Variants in LRRIQ1 observed in about 807,000 individuals in gnomAD.
LRRIQ1 encodes the protein leucine-rich repeat- and IQ domain-containing protein 1.
A neutral mutation model predicts 211.9 loss-of-function variants in LRRIQ1; 210 were observed. The ratio of observed to expected loss-of-function variants is 0.99; its 90% confidence interval spans 0.89 to 1.11. The LOEUF (loss-of-function observed/expected upper bound fraction) is 1.11, where lower values mean the gene tolerates loss of function less well. LRRIQ1 is among the 50% of genes most tolerant of loss of function. LRRIQ1 has a pLI of 0.00. For missense variants in LRRIQ1, 2,136 were observed against 1,939.5 expected, an observed-to-expected ratio of 1.10 and a Z score of -1.90; for synonymous variants, 699 against 650.1, an observed-to-expected ratio of 1.08 and a Z score of -1.14.
intron 13 of LRRIQ1, among the ~76,000 whole-genome samples, chr12:85,100,557 T>C (rs1050450379): frequency 2.0e-5 from 3 of 151,762 alleles, no homozygotes; most frequent in African/African-American, 7.2e-5. Context: ...ACAGAGCATT[T>C]TGGCATAAAA....
chr12:85,053,063 G>C (rs1880521646), intron 7 of LRRIQ1, among the ~76,000 whole-genome samples: 1 of 151,954 alleles, frequency 6.6e-6, no homozygotes, highest in African/African-American at 2.4e-5. Flanking sequence ...TTTAGTGGGT[G>C]AATTTGATTG....
At chr12:85,143,664 G>T (rs1291287965) in intron 19 of LRRIQ1, among the ~76,000 whole-genome samples, 1 of 151,138 alleles carries the variant, frequency 6.6e-6, no homozygotes, top group Non-Finnish European at 1.5e-5. Flanking sequence ...TTCTTATTTT[G>T]TTATTCTATT....
At chr12:85,190,315 T>C (rs1892441669) in intron 24 of LRRIQ1, among the ~76,000 whole-genome samples, 1 of 143,528 alleles carries the variant, frequency 7.0e-6, no homozygotes, top group African/African-American at 2.5e-5. Context: ...TAACTGTAAC[T>C]ATACAGTTAA....
At chr12:85,170,120 A>G (rs1249891981) in intron 24 of LRRIQ1, among the ~76,000 whole-genome samples, 2 of 152,010 alleles carry the variant, frequency 1.3e-5, no homozygotes, top group Non-Finnish European at 2.9e-5. Flanking sequence ...GGGAATGGCA[A>G]TCTAAGGTCT....
intron 24 of LRRIQ1, among the ~76,000 whole-genome samples, chr12:85,188,713 A>G (rs953906723): frequency 1.3e-5 from 2 of 152,090 alleles, no homozygotes; most frequent in African/African-American, 2.4e-5. Flanking sequence ...AACCCCTTGC[A>G]AGTTTACAAT....
In LRRIQ1 at chr12:85,046,113, C is replaced by A. The variant is rs1482237756; in HGVS notation, c.430C>A (p.Pro144Thr). Residue 144 changes from proline to threonine, a missense_variant, in exon 5 of 27, where the codon CCT (proline) becomes ACT (threonine). Transcript: ENST00000393217. ...FVPEPSPHDL[P>T]MDEHVLPDDA... ...TCCTGAGCCTAGTCCTCATGACTTG[C>A]CTATGGATGAACATGTTTTACCAGG... 1 of 1,603,600 alleles carries A rather than the reference C, an allele frequency of 6.2e-7. No individual in the cohort carries two copies. The highest frequency in any genetic ancestry group is 1.3e-5 in the African/African-American group (1 of 74,658).
intron 24 of LRRIQ1, among the ~76,000 whole-genome samples, chr12:85,198,187 A>T (rs189942006): frequency 0.039 from 5,156 of 132,380 alleles, 337 homozygotes; most frequent in East Asian, 0.22. Flanking sequence ...ATATATATAT[A>T]TTTTTTCTTT....
chr12:85,085,186 G>A (rs564375516), intron 11 of LRRIQ1, among the ~76,000 whole-genome samples: 6 of 152,230 alleles, frequency 3.9e-5, no homozygotes, highest in Non-Finnish European at 7.4e-5. Flanking sequence ...AAATACCCGA[G>A]ACTGGGTAAT....
rs1211708680 is a variant in LRRIQ1 at position 85,065,414 on chromosome 12, G to T, written c.2544G>T (p.Gln848His). 2 of 1,600,664 alleles carry T rather than the reference G, an allele frequency of 1.2e-6. No individual in the cohort carries two copies. Among genetic ancestry groups the T allele is most frequent in the Admixed American group, 1.7e-5 (1 of 58,852 alleles). The change falls in exon 9 of 27, where the codon CAG (glutamine) becomes CAT (histidine). Residue 848 changes from glutamine to histidine, a missense_variant and splice_region_variant. Transcript: ENST00000393217. ...NCKKLKYIDA[Q>H]ENHIEAIECE... ...AAAAACTTAAGTACATTGATGCACA[G>T]GTATGCTCTCTGCCCTACTGTTATT...
intron 19 of LRRIQ1, among the ~76,000 whole-genome samples, chr12:85,146,046 G>T (rs1028099121): frequency 6.6e-6 from 1 of 151,648 alleles, no homozygotes; most frequent in Admixed American, 6.6e-5. Flanking sequence ...TGCAATTAAG[G>T]TTACTATCAA....
chr12:85,043,206 T>A (rs1879108279), intron 3 of LRRIQ1, among the ~76,000 whole-genome samples: 1 of 152,100 alleles, frequency 6.6e-6, no homozygotes. Context: ...TATCTTTTGG[T>A]TCTGTTGGTT....
rs145285347 is a variant in LRRIQ1 at position 85,209,782 on chromosome 12, C to A, written c.4823-19735C>A. ...AATATTATCTAGGGATTTTATATAT[C>A]TGATTGTTTCTTCACAACATCCATG... On this transcript the variant is annotated intron_variant, in intron 24 of 26. Transcript: ENST00000393217. Among the ~76,000 whole-genome samples, 784 of 152,118 alleles carry A rather than the reference C, an allele frequency of 5.2e-3. 6 individuals are homozygous for A. Among genetic ancestry groups the A allele is most frequent in the African/African-American group, 0.018 (738 of 41,512 alleles).
intron 24 of LRRIQ1, among the ~76,000 whole-genome samples, chr12:85,197,176 C>T (rs1227041033): frequency 6.6e-6 from 1 of 152,140 alleles, no homozygotes. Flanking sequence ...AGTCAGGAAA[C>T]AACAGGTGCT....
intron 19 of LRRIQ1, among the ~76,000 whole-genome samples, chr12:85,149,125 C>A (rs983641697): frequency 1.3e-5 from 2 of 151,956 alleles, no homozygotes; most frequent in Admixed American, 6.6e-5. Context: ...ATGATAGTTT[C>A]TTTTGCTGAG....
chr12:85,040,716 C>T, intron 3 of LRRIQ1, 115 bp downstream of exon 3: 1 of 509,296 alleles, frequency 2.0e-6, no homozygotes, highest in Non-Finnish European at 3.5e-6. Flanking sequence ...CATGTGTATA[C>T]ATTTAGTGTA....
At chr12:85,037,220 G>GT (rs1408730954) in intron 1 of LRRIQ1, among the ~76,000 whole-genome samples, 3 of 151,900 alleles carry the variant, frequency 2.0e-5, no homozygotes, top group Non-Finnish European at 4.4e-5. Flanking sequence ...TTAAACTTGC[G>GT]TAAGTGCTCA....
rs1895645042 is a variant in LRRIQ1 at position 85,244,856 on chromosome 12, C to CA, written c.5084_5085insA (p.Val1696CysfsTer19). 1.9e-6 allele frequency: 3 copies of CA among 1,604,322 alleles called. No homozygotes were observed. The highest frequency in any genetic ancestry group is 1.7e-5 in the Admixed American group (1 of 58,644). Reference sequence around the variant, plus strand: ...TCCATGACCAATGGAAGTGCTTTGTCTGTGAACAGAGAAAAAAAAAATCAG... The same window carrying CA: ...TCCATGACCAATGGAAGTGCTTTGTCATGTGAACAGAGAAAAAAAAAATCAG... On this transcript the variant is annotated frameshift_variant, in exon 27 of 27. Transcript: ENST00000393217. LOFTEE classifies it high-confidence loss of function.
At chr12:85,196,809 A>C (rs1233814220) in intron 24 of LRRIQ1, among the ~76,000 whole-genome samples, 5 of 152,118 alleles carry the variant, frequency 3.3e-5, no homozygotes, top group Non-Finnish European at 7.4e-5. Context: ...ATGGCAACAA[A>C]AGACAAAATT....
rs565092806 is a variant in LRRIQ1 at position 85,069,663 on chromosome 12, A to G, written c.2695+2765A>G. On this transcript the variant is annotated intron_variant, in intron 10 of 26. Coordinates refer to ENST00000393217, the MANE Select transcript of LRRIQ1 (RefSeq NM_001079910.2). The stretch of plus-strand genomic sequence containing the variant: ...TGGTGTGAGATGGTATCTCATTGTG[A>G]TTTTGATTTGCATTTCTCTGATGGC... Among the ~76,000 whole-genome samples the G allele has an allele frequency of 2.2e-4, 33 of 151,878 alleles. 1 individual carries two copies. Among genetic ancestry groups the G allele is most frequent in the Admixed American group, 1.8e-3 (27 of 15,248 alleles).
Sources: gnomAD v4.1 joint callset for allele counts (sites outside exome capture counted in the v4.1 genomes callset) on GRCh38, gnomAD v4.1.1 for gene constraint, MANE v1.5 for transcripts, NCBI Gene and HGNC (gene_info 2026-07-23, HGNC 2026-07-21) for gene names.